MKNK1: variants seen among roughly 807,000 people sequenced by gnomAD.
The protein encoded by MKNK1 is MAPK interacting serine/threonine kinase 1, also known as MAP kinase-interacting serine/threonine-protein kinase 1.
A neutral mutation model predicts 49.3 loss-of-function variants in MKNK1; 30 were observed. The ratio of observed to expected loss-of-function variants is 0.61; its 90% CI spans 0.46 to 0.83. The LOEUF is 0.83. Among genes scored for constraint, MKNK1 ranks in the 40% least tolerant of loss-of-function variants. The pLI is 0.00. For missense variants in MKNK1, 423 were observed against 524.7 expected (o/e 0.81, Z 1.89); for synonymous variants, 176 against 201.7 (o/e 0.87, Z 1.08).
At chr1:46,596,457 C>T (rs995078916) in intron 1 of MKNK1, among the ~76,000 whole-genome samples, 1 of 152,130 alleles carries the variant, frequency 6.6e-6, no homozygotes, top group Non-Finnish European at 1.5e-5. Flanking sequence ...CCTTGGCCTA[C>T]AGTAGAAAAA....
intron 2 of MKNK1, chr1:46,585,433 G>T (rs1467546037): frequency 1.2e-5 from 2 of 169,150 alleles, no homozygotes; most frequent in African/African-American, 4.8e-5. Context: ...CAGGGAGGGG[G>T]TGCTGGCCAT....
At chr1:46,588,635 A>G (rs1258025) in intron 2 of MKNK1, among the ~76,000 whole-genome samples, 7 of 151,994 alleles carry the variant, frequency 4.6e-5, no homozygotes, top group Admixed American at 1.3e-4. Flanking sequence ...GTGAAACCCC[A>G]TCTCTACTAA....
intron 12 of MKNK1, among the ~76,000 whole-genome samples, chr1:46,559,413 T>C (rs984994124): frequency 6.6e-6 from 1 of 152,168 alleles, no homozygotes; most frequent in Non-Finnish European, 1.5e-5. Flanking sequence ...GCCATGAGGC[T>C]GGTGCCAAAA....
intron 3 of MKNK1, among the ~76,000 whole-genome samples, chr1:46,581,588 A>G (rs1271089055): frequency 6.6e-6 from 1 of 151,648 alleles, no homozygotes; most frequent in Non-Finnish European, 1.5e-5. Context: ...TATGATTTGA[A>G]TGAATATTCA....
chr1:46,597,726 T>C (rs1674262412), intron 1 of MKNK1, among the ~76,000 whole-genome samples: 1 of 152,250 alleles, frequency 6.6e-6, no homozygotes, highest in Non-Finnish European at 1.5e-5. Flanking sequence ...CCTTCATCTC[T>C]GGGACCCCTA....
At chr1:46,558,843 T>C (rs756196350) in intron 12 of MKNK1, 43 bp from the exon 13 acceptor site, 2 of 1,560,774 alleles carry the variant, frequency 1.3e-6, no homozygotes, top group Admixed American at 1.7e-5. Flanking sequence ...GTCAGGACTC[T>C]AGGGTCAGCC....
intron 2 of MKNK1, chr1:46,593,561 A>G (rs1320258746): frequency 6.6e-6 from 1 of 152,360 alleles, no homozygotes; most frequent in Non-Finnish European, 1.5e-5. Flanking sequence ...TTTTAATTTC[A>G]TAATTAAATA....
chr1:46,583,248 G>A lies in MKNK1; in HGVS notation c.80C>T (p.Ser27Phe), dbSNP rs1398077468. 2 of 1,614,042 alleles carry A rather than the reference G, an allele frequency of 1.2e-6. No homozygotes were observed. The highest frequency in any genetic ancestry group is 2.2e-5 in the East Asian group (1 of 44,878). ...KKKRRGRATDSLPGKFEDMYK... is the reference protein window; with the variant it reads ...KKKRRGRATDFLPGKFEDMYK... ...CCAACCTTCAAACTTTCCTGGCAAG[G>A]AGTCAGTGGCCCGGCCCCTCCGCTT... The change falls in exon 3 of 13, where the codon TCC (serine) becomes TTC (phenylalanine). Residue 27 changes from serine to phenylalanine, a missense_variant. Physicochemically the swap from Ser to Phe is radical, Grantham distance 155 (BLOSUM62 -2). Transcript: ENST00000371945.
chr1:46,581,751 A>C (rs1671783946), intron 3 of MKNK1, among the ~76,000 whole-genome samples: 1 of 152,154 alleles, frequency 6.6e-6, no homozygotes, highest in Non-Finnish European at 1.5e-5. Context: ...CAGGAAATAG[A>C]AGTAGGATGC....
intron 2 of MKNK1, among the ~76,000 whole-genome samples, chr1:46,591,527 A>T (rs1314858734): frequency 6.6e-6 from 1 of 152,038 alleles, no homozygotes; most frequent in African/African-American, 2.4e-5. Flanking sequence ...GGAAGGGGAG[A>T]ATGAAGTGTG....
At chr1:46,588,759 G>T (rs1672945697) in intron 2 of MKNK1, among the ~76,000 whole-genome samples, 1 of 148,594 alleles carries the variant, frequency 6.7e-6, no homozygotes, top group East Asian at 2.0e-4. Flanking sequence ...AGTGAGCCGA[G>T]ATCGCGCCAC....
At chr1:46,566,530 G>A (rs1358075823) in intron 8 of MKNK1, among the ~76,000 whole-genome samples, 1 of 152,174 alleles carries the variant, frequency 6.6e-6, no homozygotes, top group African/African-American at 2.4e-5. Context: ...GGGTCATATG[G>A]TAATTCTGTG....
At chr1:46,578,914 G>T (rs1055016684) in intron 4 of MKNK1, among the ~76,000 whole-genome samples, 1 of 151,788 alleles carries the variant, frequency 6.6e-6, no homozygotes, top group Non-Finnish European at 1.5e-5. Context: ...CACCACACCC[G>T]GCTAATATTT....
At chr1:46,576,503 G>T in intron 5 of MKNK1, 72 bp downstream of exon 5, 1 of 1,271,296 alleles carries the variant, frequency 7.9e-7, no homozygotes, top group South Asian at 1.2e-5. Flanking sequence ...GTCAGGAGAT[G>T]GTAAGAAATA....
At chr1:46,575,973 TC>T (rs1670893534) in intron 5 of MKNK1, 1 of 152,312 alleles carries the variant, frequency 6.6e-6, no homozygotes, top group East Asian at 1.9e-4. Context: ...GGCCACTGGC[TC>T]CCTGCTGACC....
chr1:46,574,481 TTATG>T (rs1227811335), intron 6 of MKNK1: 44 of 155,072 alleles, frequency 2.8e-4, no homozygotes, highest in Non-Finnish European at 2.3e-4. Flanking sequence ...ACCCCAGTGA[TTATG>T]TGTGTGGGTG....
In MKNK1 at chr1:46,576,555, G is replaced by A. The variant is rs1670988765; in HGVS notation, c.278+20C>T. 6 of 1,605,162 alleles carry A rather than the reference G, an allele frequency of 3.7e-6. No homozygotes were observed. Among genetic ancestry groups the A allele is most frequent in the East Asian group, 2.2e-5 (1 of 44,854 alleles). ...CCAAGCGTCCCCCCAGAGAAGCAGCGAGAATCACATGATACTCACTTGTTT... is the reference window on the plus strand; with the variant it reads ...CCAAGCGTCCCCCCAGAGAAGCAGCAAGAATCACATGATACTCACTTGTTT... On this transcript the variant is annotated intron_variant, in intron 5 of 12. Transcript: ENST00000371945.
rs1672654779 is a variant in MKNK1, at chr1:46,586,908, A to T, written c.-2-3579T>A. Among the ~76,000 whole-genome samples, 3 of 152,200 alleles carry T rather than the reference A, an allele frequency of 2.0e-5. No homozygotes were observed. In the South Asian group the frequency reaches 6.2e-4, roughly 32 times the overall value. On this transcript the variant is annotated intron_variant, in intron 2 of 12. Coordinates refer to ENST00000371945, the MANE Select transcript of MKNK1 (RefSeq NM_001135553.4). ...GTACAACCTCTGCCTCCCGGGTTCA[A>T]GCGATTCTCCTGCCTCAGCCTCCAG...
intron 7 of MKNK1, 103 bp downstream of exon 7, chr1:46,571,960 C>T (rs1423017466): frequency 6.7e-6 from 7 of 1,046,198 alleles, no homozygotes; most frequent in South Asian, 1.4e-5. Context: ...TGCCTTCCAG[C>T]CACACCATCT....
Sources: allele counts gnomAD v4.1 joint callset (sites outside exome capture counted in the v4.1 genomes callset), GRCh38; gene constraint gnomAD v4.1.1; transcripts MANE v1.5; gene names NCBI Gene and HGNC (gene_info 2026-07-23, HGNC 2026-07-21).